The following MIIP variants were observed in gnomAD, a reference collection of about 807,000 sequenced individuals.
The protein encoded by MIIP is migration and invasion-inhibitory protein.
MIIP carries 44 observed loss-of-function variants against 44.8 expected under a neutral mutation model. That is an observed-to-expected ratio of 0.98 (90% CI 0.77 to 1.26). The LOEUF is 1.26. MIIP is among the 50% of genes most tolerant of loss of function. MIIP has a pLI of 0.00. For missense variants in MIIP, 496 were observed against 511.7 expected, an observed-to-expected ratio of 0.97 and a Z score of 0.30; for synonymous variants, 225 against 218.3, an observed-to-expected ratio of 1.03 and a Z score of -0.27.
At chr1:12,026,809 G>A (rs552705254) in intron 4 of MIIP, among the ~76,000 whole-genome samples, 74 of 152,302 alleles carry the variant, frequency 4.9e-4, no homozygotes, top group Non-Finnish European at 8.5e-4. Context: ...CGGTGAGACA[G>A]AATCTTACCA....
At chr1:12,028,851 A>C (rs1355746962) in intron 4 of MIIP, 182 bp from the exon 5 acceptor site, 1 of 600,844 alleles carries the variant, frequency 1.7e-6, no homozygotes, top group Non-Finnish European at 3.0e-6. Flanking sequence ...GTAGACAGAC[A>C]CTGAAACCAA....
At chr1:12,020,289 G>A (rs1050166040) in intron 1 of MIIP, among the ~76,000 whole-genome samples, 2 of 152,180 alleles carry the variant, frequency 1.3e-5, no homozygotes, top group South Asian at 2.1e-4. Flanking sequence ...AGGAAAGGAG[G>A]AAGAATCCCT....
chr1:12,030,216 C>CTCACCCTTG, intron 8 of MIIP, 92 bp downstream of exon 8: 1 of 1,262,212 alleles, frequency 7.9e-7, no homozygotes, highest in Non-Finnish European at 1.1e-6. Context: ...CGAGACTGGG[C>CTCACCCTTG]TCGACAAGGG....
In MIIP at chr1:12,030,014, GC is replaced by G. The variant is rs769462830; in HGVS notation, c.846-8del. 1.9e-6 allele frequency: 3 copies of G among 1,612,480 alleles called. No individual in the cohort carries two copies. Among genetic ancestry groups the G allele is most frequent in the East Asian group, 2.2e-5 (1 of 44,856 alleles). On this transcript the variant is annotated splice_polypyrimidine_tract_variant and intron_variant, in intron 7 of 9. Coordinates refer to ENST00000235332, the MANE Select transcript of MIIP (RefSeq NM_021933.4). ...GGAGGCTCCTCAGGGGTCCCCCACT[GC>G]CCCCCTGCGCAGGGTGAGCATCCCG...
At chr1:12,031,687 G>A in intron 9 of MIIP, 35 bp from the exon 10 acceptor site, 1 of 1,613,972 alleles carries the variant, frequency 6.2e-7, no homozygotes. Context: ...TCCCTTTCAA[G>A]TGGCCCCCCT....
chr1:12,020,018 CTG>C (rs1365054054), intron 1 of MIIP, among the ~76,000 whole-genome samples: 2 of 152,236 alleles, frequency 1.3e-5, no homozygotes, highest in African/African-American at 2.4e-5. Context: ...GTCGGCTACT[CTG>C]TGCTCCAGAC....
Position 12,028,776 on chromosome 1 carries a change from G to A in MIIP, c.548-257G>A, listed in dbSNP as rs999920171. ...TGTCTAGTTCCTGGCACATGAAACA[G>A]CATCTAGCCCTGTCATAAGGGCTCT... is the stretch of plus-strand genomic sequence containing the variant. On this transcript the variant is annotated intron_variant, in intron 4 of 9. Transcript: ENST00000235332. 14 of 501,752 alleles carry A rather than the reference G, an allele frequency of 2.8e-5. No homozygotes were observed. In the Admixed American group the frequency reaches 2.9e-4, roughly 10 times the overall value. 31.1% of individuals were successfully genotyped at this position (501,752 alleles called of 1,614,324 possible). A position where few individuals can be genotyped will look rare whatever the true frequency, so the allele number is the denominator to read the frequency against.
intron 2 of MIIP, 51 bp from the exon 3 acceptor site, chr1:12,022,044 G>A (rs1253964099): frequency 1.9e-6 from 3 of 1,576,220 alleles, no homozygotes; most frequent in Non-Finnish European, 1.7e-6. Context: ...CGTAGGCCCG[G>A]TGGGTAGGTT....
intron 8 of MIIP, among the ~76,000 whole-genome samples, 160 bp downstream of exon 8, chr1:12,030,284 C>G (rs1407616150): frequency 6.6e-6 from 1 of 152,176 alleles, no homozygotes; most frequent in Admixed American, 6.5e-5. Context: ...ACACCTGTAC[C>G]TAAGGGAGGT....
Position 12,030,134 on chromosome 1 carries a change from C to G in MIIP, c.942+10C>G, listed in dbSNP as rs753931877. 1 of 1,611,614 alleles carries G rather than the reference C, an allele frequency of 6.2e-7. No individual in the cohort carries two copies. The highest frequency in any genetic ancestry group is 1.3e-5 in the African/African-American group (1 of 74,850). On this transcript the variant is annotated intron_variant, in intron 8 of 9. Transcript: ENST00000235332. The stretch of plus-strand genomic sequence containing the variant: ...ACTGGCCCTGCCCCGGGTGAGCAGC[C>G]ACGTGGGGCTGGATGGTGATGAGGG...
chr1:12,030,389 C>G (rs551266544), intron 8 of MIIP, among the ~76,000 whole-genome samples: 1 of 151,970 alleles, frequency 6.6e-6, no homozygotes, highest in African/African-American at 2.4e-5. Context: ...CTTTTGTGTA[C>G]TGCAGGCACA....
At chr1:12,029,600 G>C in intron 6 of MIIP, 165 bp from the exon 7 acceptor site, 1 of 1,003,156 alleles carries the variant, frequency 1.0e-6, no homozygotes, top group Non-Finnish European at 1.4e-6. Flanking sequence ...CCCTTAGGGC[G>C]TGGGCCCCAG....
intron 8 of MIIP, 48 bp from the exon 9 acceptor site, chr1:12,031,217 CG>C: frequency 6.3e-7 from 1 of 1,579,942 alleles, no homozygotes; most frequent in Admixed American, 1.8e-5. Flanking sequence ...GCCCAGTCAG[CG>C]GGGAGCTTGT....
At position 12,029,883 on chromosome 1, in the gene MIIP, A is replaced by C. The variant is rs2100907524; in HGVS notation, c.834A>C (p.Pro278=). ...AGGGCCCTGGGACCCTGGCGCAGCCAGCGCACGTCAGGTGAGTGACCAGAG... is the reference window on the plus strand; with the variant it reads ...AGGGCCCTGGGACCCTGGCGCAGCCCGCGCACGTCAGGTGAGTGACCAGAG... ...DQQGPGTLAQ[P]AHVRVSIPLS... Residue 278 remains proline, a synonymous_variant, in exon 7 of 10, where the codon CCA becomes CCC. Transcript: ENST00000235332. The C allele has an allele frequency of 1.2e-6, 2 of 1,612,834 alleles. No homozygotes were observed. The highest frequency in any genetic ancestry group is 2.2e-5 in the South Asian group (2 of 91,046).
At chr1:12,022,963 G>A in intron 4 of MIIP, 46 bp downstream of exon 4, 1 of 1,487,168 alleles carries the variant, frequency 6.7e-7, no homozygotes. Context: ...GGGAGTGGGA[G>A]GTGGAGGCCT....
At chr1:12,029,574 G>A in intron 6 of MIIP, 191 bp from the exon 7 acceptor site, 3 of 803,152 alleles carry the variant, frequency 3.7e-6, no homozygotes, top group South Asian at 1.9e-5. Flanking sequence ...GGCCCCAGGA[G>A]GATGTCCCTC....
At chr1:12,030,237 A>G (rs557688953) in intron 8 of MIIP, 113 bp downstream of exon 8, 152 of 983,090 alleles carry the variant, frequency 1.5e-4, no homozygotes, top group East Asian at 1.2e-3. Context: ...TGAGCGCCCA[A>G]GTCTCTGGAG....
chr1:12,022,168 G>A lies in MIIP; in HGVS notation c.188G>A (p.Ser63Asn). ...STPETSSTSL[S>N]TSCPRGRSSV... ...CCAGAGACGTCCTCAACTTCCTTGA[G>A]CACCTCCTGCCCACGGGGCCGGTCC... Residue 63 changes from serine (S) to asparagine (N), a missense_variant, in exon 3 of 10, where the codon AGC becomes AAC. Ser to Asn is a conservative substitution (Grantham distance 46). Coordinates refer to ENST00000235332, the MANE Select transcript of MIIP (RefSeq NM_021933.4). 1 of 1,614,006 alleles carries A rather than the reference G, an allele frequency of 6.2e-7. No homozygotes were observed. The highest frequency in any genetic ancestry group is 8.5e-7 in the Non-Finnish European group (1 of 1,179,984).
At chr1:12,019,628 C>T (rs1422440962) in intron 1 of MIIP, 76 bp downstream of exon 1, 2 of 152,338 alleles carry the variant, frequency 1.3e-5, no homozygotes, top group Admixed American at 6.5e-5. Context: ...CCGCGAGGGG[C>T]TCGGGGGCCG....
Sources: allele counts gnomAD v4.1 joint callset (sites outside exome capture counted in the v4.1 genomes callset), GRCh38; gene constraint gnomAD v4.1.1; transcripts MANE v1.5; gene names NCBI Gene and HGNC (gene_info 2026-07-23, HGNC 2026-07-21).